The following PRR5 variants were observed in gnomAD, a reference collection of about 807,000 sequenced individuals.
PRR5 encodes the protein proline rich 5.
In PRR5, 25 loss-of-function variants were observed where a neutral mutation model predicts 30.6. The ratio of observed to expected loss-of-function variants is 0.82; its 90% CI spans 0.60 to 1.14. PRR5 has a LOEUF of 1.14. Among genes scored for constraint, PRR5 ranks in the 50% most tolerant of loss-of-function variants. PRR5 has a pLI of 0.00. For missense variants in PRR5, 600 were observed against 547.1 expected, an observed-to-expected ratio of 1.10 and a Z score of -0.96; for synonymous variants, 286 against 247.1, an observed-to-expected ratio of 1.16 and a Z score of -1.48.
At chr22:44,722,568 C>T (rs556793490) in intron 2 of PRR5, among the ~76,000 whole-genome samples, 1 of 152,310 alleles carries the variant, frequency 6.6e-6, no homozygotes, top group South Asian at 2.1e-4. Flanking sequence ...ATGGTGGGGG[C>T]AGCCAGCCCT....
At chr22:44,714,989 G>A (rs910321628) in intron 2 of PRR5, among the ~76,000 whole-genome samples, 2 of 152,218 alleles carry the variant, frequency 1.3e-5, no homozygotes, top group Admixed American at 6.5e-5. Context: ...TGACGCTGAC[G>A]GCCCCCACTG....
chr22:44,675,020 G>A (rs1452154955), upstream of PRR5, among the ~76,000 whole-genome samples: 4 of 150,276 alleles, frequency 2.7e-5, no homozygotes, highest in Non-Finnish European at 3.0e-5. Flanking sequence ...AGGCCGAGGC[G>A]GGTGGATCAC....
At chr22:44,714,446 C>G (rs1274445605) in intron 1 of PRR5, 145 bp from the exon 2 acceptor site, 1 of 1,157,748 alleles carries the variant, frequency 8.6e-7, no homozygotes, top group Non-Finnish European at 1.2e-6. Flanking sequence ...TGCAGGGCCT[C>G]GGAGTTGAAG....
At chr22:44,682,297 G>A (rs9614878) in intron 1 of PRR5, among the ~76,000 whole-genome samples, 13,964 of 152,188 alleles carry the variant, frequency 0.092, 804 homozygotes, top group East Asian at 0.27. Context: ...CTCCTTACGT[G>A]TACTCTAATA....
upstream of PRR5, among the ~76,000 whole-genome samples, chr22:44,673,390 C>G (rs952468955): frequency 6.6e-6 from 1 of 152,244 alleles, no homozygotes; most frequent in African/African-American, 2.4e-5. Context: ...ATAGGCAGCT[C>G]TTGGGAGGCA....
chr22:44,668,937 T>G (rs1923252279), intron 1 of PRR5: 1 of 148,816 alleles, frequency 6.7e-6, no homozygotes, highest in Admixed American at 6.7e-5. Context: ...CGCGCGTGTG[T>G]GTGCGCGCGT....
At chr22:44,702,853 G>T (rs1168245079) in intron 1 of PRR5, among the ~76,000 whole-genome samples, 1 of 152,186 alleles carries the variant, frequency 6.6e-6, no homozygotes, top group African/African-American at 2.4e-5. Context: ...GCCCAGAAGC[G>T]CCCGGCGGGT....
intron 7 of PRR5, among the ~76,000 whole-genome samples, chr22:44,736,004 C>T (rs762563360): frequency 5.3e-5 from 8 of 152,192 alleles, no homozygotes; most frequent in Non-Finnish European, 1.0e-4. Flanking sequence ...GCCCCTGAGC[C>T]GCTCGTGTGT....
At chr22:44,732,901 A>G (rs1021329349) in intron 6 of PRR5, among the ~76,000 whole-genome samples, 6 of 148,804 alleles carry the variant, frequency 4.0e-5, no homozygotes, top group Admixed American at 6.6e-5. Context: ...ACACGTGCAC[A>G]CGCATACACA....
At chr22:44,703,405 T>C (rs1569081672) in intron 1 of PRR5, among the ~76,000 whole-genome samples, 2 of 151,612 alleles carry the variant, frequency 1.3e-5, no homozygotes, top group African/African-American at 4.8e-5. Context: ...GGCAGTAAAA[T>C]CTTGCCAGAT....
At chr22:44,700,229 C>G (rs771947241), upstream of PRR5, among the ~76,000 whole-genome samples, 2 of 151,998 alleles carry the variant, frequency 1.3e-5, no homozygotes, top group Admixed American at 1.3e-4. Context: ...TTTAGGAGGC[C>G]GAGGTGGGAG....
At chr22:44,720,702 A>T (rs958990015) in intron 2 of PRR5, among the ~76,000 whole-genome samples, 2 of 152,286 alleles carry the variant, frequency 1.3e-5, no homozygotes, top group East Asian at 3.9e-4. Context: ...GTCAGTTCAG[A>T]TCTGAGGCCG....
chr22:44,704,880 C>A (rs1236761046), intron 1 of PRR5, among the ~76,000 whole-genome samples: 1 of 152,208 alleles, frequency 6.6e-6, no homozygotes, highest in Non-Finnish European at 1.5e-5. Context: ...CCAGCCAAGT[C>A]CCTGAGTGGA....
chr22:44,719,302 C>CA (rs1370732025), intron 2 of PRR5, among the ~76,000 whole-genome samples: 5 of 152,028 alleles, frequency 3.3e-5, no homozygotes, highest in Admixed American at 2.0e-4. Flanking sequence ...AAGCTGGTCT[C>CA]AAACTCCTGG....
intron 2 of PRR5, 22 bp from the exon 3 acceptor site, chr22:44,725,222 T>C (rs1197606673): frequency 6.2e-7 from 1 of 1,613,588 alleles, no homozygotes; most frequent in Non-Finnish European, 8.5e-7. Flanking sequence ...GGACTCACTC[T>C]TGTCTCACCT....
Position 44,691,726 on chromosome 22 carries a change from A to C in PRR5, c.-10-10766A>C, listed in dbSNP as rs1196541578. On this transcript the variant is annotated intron_variant, in intron 1 of 8. Transcript: ENST00000006251. This position sits in a 1 kb window ranked among gnomAD's most constrained non-coding sequence, Gnocchi z 4.4. ...GAGGTAGAGGCTGCAGTGAGCCGAG[A>C]TTGCACCACTGCATTCCAGCCTGCG... Among the ~76,000 whole-genome samples, 1 of 152,022 alleles carries C rather than the reference A, an allele frequency of 6.6e-6. No homozygotes were observed.
chr22:44,725,897 C>T (rs1920935673), intron 3 of PRR5, among the ~76,000 whole-genome samples: 1 of 152,146 alleles, frequency 6.6e-6, no homozygotes, highest in African/African-American at 2.4e-5. Flanking sequence ...CTCCTGACCT[C>T]GAGGTGATCT....
intron 1 of PRR5, chr22:44,679,639 G>A (rs937541129): frequency 1.9e-5 from 11 of 583,172 alleles, no homozygotes; most frequent in East Asian, 9.3e-5. Flanking sequence ...CCCAGGAGGC[G>A]CGGTTGCAGT....
chr22:44,709,442 A>G (rs1927798626), intron 1 of PRR5, among the ~76,000 whole-genome samples: 1 of 152,134 alleles, frequency 6.6e-6, no homozygotes. Context: ...GCCCCAAGCC[A>G]AAGAATGTGG....
Sources: gnomAD v4.1 joint callset for allele counts (sites outside exome capture counted in the v4.1 genomes callset) on GRCh38, gnomAD v4.1.1 for gene constraint, Gnocchi (gnomAD v3.1) non-coding constraint, MANE v1.5 for transcripts, NCBI Gene and HGNC (gene_info 2026-07-23, HGNC 2026-07-21) for gene names.